MOXD1: variants seen among roughly 807,000 people sequenced by gnomAD.
The protein encoded by MOXD1 is DBH-like monooxygenase protein 1.
Under a neutral mutation model 66.6 loss-of-function variants are expected in MOXD1, and 62 were observed. The ratio of observed to expected loss-of-function variants is 0.93; its 90% CI spans 0.76 to 1.15. The LOEUF is 1.15. MOXD1 is among the 50% of genes most tolerant of loss of function. The pLI is 0.00. For synonymous variants in MOXD1, 303 were observed against 281.9 expected, an observed-to-expected ratio of 1.07 and a Z score of -0.75; for missense variants, 847 against 754.6, an observed-to-expected ratio of 1.12 and a Z score of -1.44.
chr6:132,346,139 T>C (rs1775665535), intron 4 of MOXD1, among the ~76,000 whole-genome samples: 1 of 152,052 alleles, frequency 6.6e-6, no homozygotes, highest in Non-Finnish European at 1.5e-5. Flanking sequence ...TACTAACACA[T>C]GATTCTCATG....
At chr6:132,333,660 A>T (rs531568280) in intron 4 of MOXD1, among the ~76,000 whole-genome samples, 2 of 152,320 alleles carry the variant, frequency 1.3e-5, no homozygotes, top group East Asian at 3.9e-4. Context: ...AGTGGAGGCA[A>T]GACACAAACA....
intron 4 of MOXD1, among the ~76,000 whole-genome samples, chr6:132,362,868 T>C (rs1273201414): frequency 6.6e-6 from 1 of 152,226 alleles, no homozygotes; most frequent in Non-Finnish European, 1.5e-5. Flanking sequence ...GAAGCCTTTT[T>C]GCAGCCATAA....
At chr6:132,357,706 A>G (rs1236190847) in intron 4 of MOXD1, among the ~76,000 whole-genome samples, 1 of 152,152 alleles carries the variant, frequency 6.6e-6, no homozygotes, top group African/African-American at 2.4e-5. Context: ...AAGCTTTAAA[A>G]ATTATTTAAT....
intron 2 of MOXD1, 85 bp downstream of exon 2, chr6:132,374,546 G>A: frequency 8.8e-7 from 1 of 1,137,906 alleles, no homozygotes; most frequent in Non-Finnish European, 1.2e-6. Context: ...AAGACTATAT[G>A]ACTTGTTTCT....
At chr6:132,345,493 C>T (rs1775651609) in intron 4 of MOXD1, among the ~76,000 whole-genome samples, 1 of 152,054 alleles carries the variant, frequency 6.6e-6, no homozygotes, top group Non-Finnish European at 1.5e-5. Flanking sequence ...CCTATTAGTT[C>T]TCAAAATGTT....
rs905169577 is a variant in MOXD1, at chr6:132,315,735, G to A, written c.1408C>T (p.Leu470Phe). ...TRSEMCLSYL[L>F]YYPRINLTRC... ...GTAAGATTAATTCTTGGGTAATAAAGAAGGTATGAGAGACACATTTCACTC... is the reference window on the plus strand; with the variant it reads ...GTAAGATTAATTCTTGGGTAATAAAAAAGGTATGAGAGACACATTTCACTC... Residue 470 changes from leucine to phenylalanine, a missense_variant, in exon 10 of 12, where the codon CTT becomes TTT. Leu to Phe is a conservative substitution (Grantham distance 22, BLOSUM62 0). Transcript: ENST00000367963. 5.0e-6 allele frequency: 8 copies of A among 1,613,312 alleles called. No individual in the cohort carries two copies. The African/African-American group carries it at 9.3e-5, about 19-fold the overall frequency.
At chr6:132,392,351 C>T in intron 1 of MOXD1, 3 of 1,547,814 alleles carry the variant, frequency 1.9e-6, no homozygotes, top group Non-Finnish European at 1.7e-6. Flanking sequence ...GCGATTTATA[C>T]CCCCATAAGA....
intron 10 of MOXD1, among the ~76,000 whole-genome samples, chr6:132,302,386 T>C (rs540461376): frequency 2.6e-5 from 4 of 152,232 alleles, no homozygotes; most frequent in African/African-American, 9.6e-5. Context: ...AGTATGTAAA[T>C]GTGAATCTAA....
intron 5 of MOXD1, 85 bp downstream of exon 5, chr6:132,328,330 A>G: frequency 1.3e-6 from 2 of 1,504,470 alleles, no homozygotes; most frequent in Middle Eastern, 1.8e-4. Flanking sequence ...TTAAAGCTTT[A>G]CTTCTAAGTA....
At chr6:132,345,912 G>T (rs1410268377) in intron 4 of MOXD1, among the ~76,000 whole-genome samples, 1 of 152,002 alleles carries the variant, frequency 6.6e-6, no homozygotes, top group African/African-American at 2.4e-5. Context: ...TACATCTCCT[G>T]ATGGGGGGAT....
At chr6:132,373,721 T>C (rs540879579) in intron 2 of MOXD1, among the ~76,000 whole-genome samples, 13 of 152,334 alleles carry the variant, frequency 8.5e-5, no homozygotes, top group South Asian at 8.3e-4. Context: ...AAAGAAATTG[T>C]TCAATCCTCT....
intron 9 of MOXD1, among the ~76,000 whole-genome samples, chr6:132,319,389 G>C (rs557072356): frequency 1.3e-5 from 2 of 151,700 alleles, no homozygotes; most frequent in South Asian, 4.2e-4. Context: ...CCATGAACAC[G>C]GTATCTCTTA....
chr6:132,367,156 G>A (rs1776165506), intron 4 of MOXD1, among the ~76,000 whole-genome samples: 2 of 151,946 alleles, frequency 1.3e-5, no homozygotes, highest in Admixed American at 1.3e-4. Context: ...AAATTTTCAA[G>A]GTGACCTCCC....
At chr6:132,376,188 A>G (rs1459003360) in intron 1 of MOXD1, among the ~76,000 whole-genome samples, 3 of 152,366 alleles carry the variant, frequency 2.0e-5, no homozygotes, top group East Asian at 3.9e-4. Context: ...TTGATTTAGA[A>G]TATACATGCT....
At chr6:132,301,992 T>A (rs1774550736) in intron 10 of MOXD1, among the ~76,000 whole-genome samples, 1 of 152,140 alleles carries the variant, frequency 6.6e-6, no homozygotes, top group Non-Finnish European at 1.5e-5. Context: ...GTTAAGGAGA[T>A]GAAGACCAGA....
chr6:132,323,860 T>C (rs1050591585), intron 7 of MOXD1, 71 bp downstream of exon 7: 7 of 1,433,040 alleles, frequency 4.9e-6, no homozygotes, highest in Admixed American at 5.3e-5. Flanking sequence ...ATGTGCGGAA[T>C]TTTTCACACC....
chr6:132,317,928 C>T (rs996172242), intron 9 of MOXD1, among the ~76,000 whole-genome samples: 2 of 152,006 alleles, frequency 1.3e-5, no homozygotes, highest in African/African-American at 4.8e-5. Context: ...TTTTCCTGAA[C>T]TTTACATACA....
At chr6:132,367,186 A>G (rs1776166204) in intron 4 of MOXD1, among the ~76,000 whole-genome samples, 1 of 152,008 alleles carries the variant, frequency 6.6e-6, no homozygotes, top group Admixed American at 6.6e-5. Context: ...TGATGGACAA[A>G]CTAGGTTTTC....
chr6:132,357,885 G>T lies in MOXD1; in HGVS notation c.663+14723C>A, dbSNP rs887026022. The stretch of plus-strand genomic sequence containing the variant: ...ATTAATTAACTGGATGAGAAAGGCA[G>T]TTTTTTCCTCTGGACTTCATTTTCT... On this transcript the variant is annotated intron_variant, in intron 4 of 11. Transcript: ENST00000367963. Among the ~76,000 whole-genome samples the T allele has an allele frequency of 2.0e-5, 3 of 152,096 alleles. No individual in the cohort carries two copies. In the East Asian group the frequency reaches 5.8e-4, roughly 29 times the overall value.
Sources: allele counts gnomAD v4.1 joint callset (sites outside exome capture counted in the v4.1 genomes callset), GRCh38; gene constraint gnomAD v4.1.1; transcripts MANE v1.5; gene names NCBI Gene and HGNC (gene_info 2026-07-23, HGNC 2026-07-21).